ITIH5: variants seen among roughly 807,000 people sequenced by gnomAD.
The protein encoded by ITIH5 is inter-alpha-trypsin inhibitor heavy chain H5.
Under a neutral mutation model 77.5 loss-of-function variants are expected in ITIH5, and 65 were observed. That is an observed-to-expected ratio of 0.84 (90% confidence interval 0.69 to 1.03). The LOEUF (loss-of-function observed/expected upper bound fraction) is 1.03. Ranked by LOEUF, ITIH5 falls within the 50% of genes least tolerant of loss-of-function variation. ITIH5 has a pLI of 0.00. For missense variants in ITIH5, 1,208 were observed against 1,213.1 expected (o/e 1.00, Z 0.06); for synonymous variants, 525 against 494.3 (o/e 1.06, Z -0.82).
intron 7 of ITIH5, among the ~76,000 whole-genome samples, chr10:7,592,745 C>T (rs939874281): frequency 2.6e-5 from 4 of 152,206 alleles, no homozygotes; most frequent in Admixed American, 1.3e-4. Flanking sequence ...GCCCTTCTCA[C>T]CCTGGTTCAT....
rs140212272 is a variant in ITIH5, at chr10:7,569,462, GC to G, written c.2149+205del. The G allele has an allele frequency of 8.4e-3, 3,612 of 430,752 alleles. 78 individuals are homozygous for G. Among genetic ancestry groups the G allele is most frequent in the African/African-American group, 0.056 (2,788 of 50,016 alleles). The allele number at this position is 430,752 out of a possible 1,614,324, so 26.7% of individuals were successfully genotyped here. On this transcript the variant is annotated intron_variant, in intron 12 of 13. Coordinates refer to ENST00000397146, the MANE Select transcript of ITIH5 (RefSeq NM_030569.7). ...AAGGGAAACAACTCCCAAGGCATGTGCCCAAGGTCACACGGCACTTGTCATA... is the reference window on the plus strand; with the variant it reads ...AAGGGAAACAACTCCCAAGGCATGTGCCAAGGTCACACGGCACTTGTCATA...
intron 2 of ITIH5, among the ~76,000 whole-genome samples, chr10:7,642,594 C>T (rs17142887): frequency 0.13 from 20,426 of 152,034 alleles, 1,568 homozygotes; most frequent in East Asian, 0.3. Context: ...GAATTACAGG[C>T]GCATTACTGT....
intron 2 of ITIH5, among the ~76,000 whole-genome samples, chr10:7,644,887 C>CAT (rs374446986): frequency 0.011 from 1,053 of 93,586 alleles, 53 homozygotes; most frequent in Admixed American, 0.044. Context: ...ATATATATCA[C>CAT]ATATATATAT....
At chr10:7,644,760 A>ACATATATAT (rs1360670474) in intron 2 of ITIH5, among the ~76,000 whole-genome samples, 1 of 134,116 alleles carries the variant, frequency 7.5e-6, no homozygotes, top group Admixed American at 7.5e-5. Flanking sequence ...CACATATATC[A>ACATATATAT]CATATATATC....
At chr10:7,628,656 TGG>T (rs1833630201) in intron 5 of ITIH5, among the ~76,000 whole-genome samples, 1 of 145,018 alleles carries the variant, frequency 6.9e-6, no homozygotes, top group Non-Finnish European at 1.6e-5. Context: ...CCATGTTGTC[TGG>T]GTTGTCACAT....
At chr10:7,580,801 T>C (rs955821693) in intron 8 of ITIH5, among the ~76,000 whole-genome samples, 8 of 152,168 alleles carry the variant, frequency 5.3e-5, no homozygotes, top group African/African-American at 1.7e-4. Context: ...GTGGAGCTGA[T>C]GAAAGAATGA....
chr10:7,662,538 C>T (rs1408097185), intron 1 of ITIH5, among the ~76,000 whole-genome samples: 4 of 152,224 alleles, frequency 2.6e-5, no homozygotes, highest in Admixed American at 6.5e-5. Flanking sequence ...CAGAAACACC[C>T]GGCTGGCATT....
At chr10:7,574,917 G>T (rs1326433009) in intron 10 of ITIH5, among the ~76,000 whole-genome samples, 1 of 151,990 alleles carries the variant, frequency 6.6e-6, no homozygotes, top group South Asian at 2.1e-4. Context: ...TGAAGCTGTG[G>T]AGATTTGCGC....
At chr10:7,610,818 T>C (rs181069946) in intron 7 of ITIH5, among the ~76,000 whole-genome samples, 1 of 152,306 alleles carries the variant, frequency 6.6e-6, no homozygotes, top group Admixed American at 6.5e-5. Flanking sequence ...TTGGCTGGTC[T>C]AGGGTGGCTC....
At chr10:7,603,844 A>T (rs1318717903) in intron 7 of ITIH5, among the ~76,000 whole-genome samples, 1 of 152,034 alleles carries the variant, frequency 6.6e-6, no homozygotes, top group Non-Finnish European at 1.5e-5. Context: ...CGGCCTCCCA[A>T]AGTGCTGGGA....
In ITIH5 at chr10:7,559,931, A is replaced by G. The variant is rs1050075480; in HGVS notation, c.*3152T>C. 9.1e-6 allele frequency: 4 copies of G among 440,076 alleles called. No individual in the cohort carries two copies. Among genetic ancestry groups the G allele is most frequent in the Non-Finnish European group, 1.4e-5 (3 of 221,366 alleles). The allele number at this position is 440,076 out of a possible 1,614,324, so 27.3% of individuals were successfully genotyped here. A position where few individuals can be genotyped will look rare whatever the true frequency, so the allele number is the denominator to read the frequency against. ...CAGTGGCGTGATCTTGGCTCACTAC[A>G]AGTTCCGACTGCCTGGTTCAAGCGA... On this transcript the variant is annotated 3_prime_UTR_variant, in exon 14 of 14. Coordinates refer to ENST00000397146, the MANE Select transcript of ITIH5 (RefSeq NM_030569.7).
intron 13 of ITIH5, among the ~76,000 whole-genome samples, chr10:7,565,258 A>G (rs1441102345): frequency 4.0e-5 from 6 of 150,132 alleles, no homozygotes; most frequent in Non-Finnish European, 7.4e-5. Context: ...ACATATACAC[A>G]TATACACAGA....
chr10:7,630,972 T>C (rs762799978), intron 5 of ITIH5, among the ~76,000 whole-genome samples: 54 of 151,064 alleles, frequency 3.6e-4, no homozygotes, highest in Non-Finnish European at 5.7e-4. Flanking sequence ...TCAGTTTTGA[T>C]AGAGATGAGG....
At chr10:7,585,824 G>C (rs1832661253) in intron 8 of ITIH5, 77 bp downstream of exon 8, 35 of 1,061,178 alleles carry the variant, frequency 3.3e-5, no homozygotes, top group Non-Finnish European at 3.4e-5. Flanking sequence ...TTATCTCTTG[G>C]CAAAAAAAAA....
intron 8 of ITIH5, among the ~76,000 whole-genome samples, chr10:7,581,769 C>T (rs1406606752): frequency 3.9e-5 from 5 of 128,494 alleles, no homozygotes; most frequent in African/African-American, 1.1e-4. Flanking sequence ...ACTATGTTGC[C>T]CAGGCTGGTC....
chr10:7,658,541 T>C (rs1387128979), intron 1 of ITIH5, among the ~76,000 whole-genome samples: 1 of 152,280 alleles, frequency 6.6e-6, no homozygotes, highest in South Asian at 2.1e-4. Context: ...ATCCAGAGAA[T>C]ACGTGCCCAG....
Position 7,559,912 on chromosome 10 carries a change from C to T in ITIH5, c.*3171G>A, listed in dbSNP as rs180822291. 9.8e-5 allele frequency: 44 copies of T among 448,168 alleles called. No individual in the cohort carries two copies. The highest frequency in any genetic ancestry group is 9.3e-4 in the Admixed American group (39 of 41,854). 27.8% of individuals were successfully genotyped at this position (448,168 alleles called of 1,614,324 possible). On this transcript the variant is annotated 3_prime_UTR_variant, in exon 14 of 14. Transcript: ENST00000397146. ...TGTCACTCCAGCTGGAGTGCAGTGG[C>T]GTGATCTTGGCTCACTACAAGTTCC...
chr10:7,608,475 G>T (rs1046954760), intron 7 of ITIH5, among the ~76,000 whole-genome samples: 1 of 151,920 alleles, frequency 6.6e-6, no homozygotes, highest in Non-Finnish European at 1.5e-5. Flanking sequence ...TACAGATGAG[G>T]TCTCACTATG....
chr10:7,562,944 T>A lies in ITIH5; in HGVS notation c.*139A>T. 1 of 678,114 alleles carries A rather than the reference T, an allele frequency of 1.5e-6. No homozygotes were observed. The highest frequency in any genetic ancestry group is 2.7e-6 in the Non-Finnish European group (1 of 375,644). 42.0% of individuals were successfully genotyped at this position (678,114 alleles called of 1,614,324 possible). ...ACCCTTCGCCCAGACAGACGTCGGA[T>A]CTATGCTGCACCAGGGGTGGGTCAT... On this transcript the variant is annotated 3_prime_UTR_variant, in exon 14 of 14. Transcript: ENST00000397146.
Sources: gnomAD v4.1 joint callset for allele counts (sites outside exome capture counted in the v4.1 genomes callset) on GRCh38, gnomAD v4.1.1 for gene constraint, MANE v1.5 for transcripts, NCBI Gene and HGNC (gene_info 2026-07-23, HGNC 2026-07-21) for gene names.